PIK3C2A: variants seen among roughly 807,000 people sequenced by gnomAD.
The protein encoded by PIK3C2A is phosphatidylinositol 4-phosphate 3-kinase C2 domain-containing subunit alpha.
A neutral mutation model predicts 204.5 loss-of-function variants in PIK3C2A; 97 were observed. That is an observed-to-expected ratio of 0.47 (90% CI 0.40 to 0.56). PIK3C2A has a LOEUF of 0.56. PIK3C2A is among the 20% of genes least tolerant of loss of function. PIK3C2A has a pLI of 0.00. For synonymous variants in PIK3C2A, 653 were observed against 664.4 expected, an observed-to-expected ratio of 0.98 and a Z score of 0.26; for missense variants, 1,735 against 1,969.2, an observed-to-expected ratio of 0.88 and a Z score of 2.25.
intron 1 of PIK3C2A, among the ~76,000 whole-genome samples, chr11:17,174,006 G>C (rs1040943276): frequency 2.0e-5 from 3 of 151,962 alleles, no homozygotes; most frequent in African/African-American, 7.2e-5. Context: ...AAGTTTAGTA[G>C]AGACTAATAG....
intron 27 of PIK3C2A, among the ~76,000 whole-genome samples, chr11:17,095,411 T>TA (rs1225897360): frequency 0.025 from 2,733 of 110,130 alleles, 35 homozygotes; most frequent in South Asian, 0.038. Flanking sequence ...CTGTCTCTAC[T>TA]AAAAAAAAAA....
At position 17,169,071 on chromosome 11, in the gene PIK3C2A, G is replaced by T; in HGVS notation, c.671C>A (p.Ala224Glu). The change falls in exon 2 of 33, where the codon GCA (alanine) becomes GAA (glutamate). Residue 224 changes from alanine to glutamate, a missense_variant. This residue lies in a region of PIK3C2A where 536 missense variants were observed against 546.7 expected (regional missense o/e 0.98). Transcript: ENST00000691414. ...IYRPVVSTDM[A>E]KLFDKIASTS... ...ACTAGCTATTTTGTCAAATAGTTTT[G>T]CCATGTCAGTACTGACTACTGGACG... 2 of 1,614,082 alleles carry T rather than the reference G, an allele frequency of 1.2e-6. No homozygotes were observed. Among genetic ancestry groups the T allele is most frequent in the Non-Finnish European group, 1.7e-6 (2 of 1,179,994 alleles).
intron 28 of PIK3C2A, among the ~76,000 whole-genome samples, chr11:17,092,727 A>C (rs986114289): frequency 3.3e-5 from 5 of 152,220 alleles, no homozygotes; most frequent in Admixed American, 6.5e-5. Flanking sequence ...GACATCGTTC[A>C]GTCACCCATT....
intron 16 of PIK3C2A, 60 bp from the exon 17 acceptor site, chr11:17,119,373 T>G: frequency 1.0e-6 from 1 of 973,710 alleles, no homozygotes; most frequent in Non-Finnish European, 1.7e-6. Context: ...AAGCTGTATT[T>G]TTTGAAAACA....
At chr11:17,104,002 TA>T (rs1848724229) in intron 23 of PIK3C2A, among the ~76,000 whole-genome samples, 1 of 152,196 alleles carries the variant, frequency 6.6e-6, no homozygotes. Context: ...TTAAAAGATC[TA>T]ACAAAGGTCA....
At chr11:17,114,930 C>G (rs1228381047) in intron 19 of PIK3C2A, among the ~76,000 whole-genome samples, 1 of 152,066 alleles carries the variant, frequency 6.6e-6, no homozygotes, top group Non-Finnish European at 1.5e-5. Flanking sequence ...GAAAGAAATA[C>G]TAGCAAAGAA....
chr11:17,120,895 C>T (rs538248705), intron 15 of PIK3C2A, among the ~76,000 whole-genome samples: 17 of 152,118 alleles, frequency 1.1e-4, no homozygotes, highest in Middle Eastern at 3.4e-3. Flanking sequence ...CTGCAACCTC[C>T]GCCTCCCAGG....
At chr11:17,204,983 G>C (rs1317839455) in intron 1 of PIK3C2A, among the ~76,000 whole-genome samples, 2 of 152,030 alleles carry the variant, frequency 1.3e-5, no homozygotes, top group Admixed American at 1.3e-4. Flanking sequence ...TTCAAGACCA[G>C]CTTGACCAAC....
intron 22 of PIK3C2A, among the ~76,000 whole-genome samples, chr11:17,108,360 T>G (rs1203143482): frequency 6.6e-6 from 1 of 152,158 alleles, no homozygotes; most frequent in Non-Finnish European, 1.5e-5. Context: ...TCCCTGCTAC[T>G]TGGGAGGCTG....
At chr11:17,184,163 A>C (rs1196358286) in intron 1 of PIK3C2A, among the ~76,000 whole-genome samples, 3 of 151,202 alleles carry the variant, frequency 2.0e-5, no homozygotes, top group African/African-American at 7.3e-5. Flanking sequence ...GAGATGAAAA[A>C]CTCCTAGTAA....
At chr11:17,197,842 G>A (rs190669438) in intron 1 of PIK3C2A, among the ~76,000 whole-genome samples, 29 of 152,216 alleles carry the variant, frequency 1.9e-4, no homozygotes, top group African/African-American at 7.0e-4. Context: ...GTATATACCT[G>A]CATTTAACAT....
At chr11:17,147,798 G>A (rs534378700) in intron 5 of PIK3C2A, among the ~76,000 whole-genome samples, 170 bp from the exon 6 acceptor site, 5 of 152,270 alleles carry the variant, frequency 3.3e-5, no homozygotes, top group Admixed American at 3.3e-4. Flanking sequence ...TACGAGAAGA[G>A]TCAATGTAAA....
intron 8 of PIK3C2A, among the ~76,000 whole-genome samples, chr11:17,137,196 C>T (rs1489154843): frequency 2.6e-5 from 4 of 152,052 alleles, no homozygotes; most frequent in Non-Finnish European, 2.9e-5. Flanking sequence ...TAAATTTTTC[C>T]ACCCTTGAGG....
chr11:17,107,841 C>T (rs576234810), intron 22 of PIK3C2A, among the ~76,000 whole-genome samples: 1 of 152,294 alleles, frequency 6.6e-6, no homozygotes, highest in South Asian at 2.1e-4. Flanking sequence ...AGTCTAGTTA[C>T]ATATGGCAGA....
Position 17,119,240 on chromosome 11 carries a change from G to A in PIK3C2A, c.2920C>T (p.Leu974Phe). Reference protein sequence around the residue: ...EAISDDELTDLLPQFVQALKY... With the variant: ...EAISDDELTDFLPQFVQALKY... ...CTCACTTGTACAAACTGTGGAAGAA[G>A]ATCTGTTAGCTCATCATCACTAATG... The change falls in exon 17 of 33, where the codon CTT (leucine) becomes TTT (phenylalanine). Residue 974 changes from leucine to phenylalanine, a missense_variant. Physicochemically the swap from Leu to Phe is conservative, Grantham distance 22. This residue lies in a region of PIK3C2A where 567 missense variants were observed against 576.0 expected (regional missense o/e 0.98). Coordinates refer to ENST00000691414, the MANE Select transcript of PIK3C2A (RefSeq NM_002645.4). 1 of 1,595,354 alleles carries A rather than the reference G, an allele frequency of 6.3e-7. No individual in the cohort carries two copies. The highest frequency in any genetic ancestry group is 2.2e-5 in the East Asian group (1 of 44,610).
Position 17,137,482 on chromosome 11 carries a change from T to C in PIK3C2A, c.1705-857A>G, listed in dbSNP as rs376107167. On this transcript the variant is annotated intron_variant, in intron 8 of 32. Transcript: ENST00000691414. ...CAGGCTGGAGTGCAGTGGTGGGATCTTGGCTCACTGCAACCTCCTGGGTTC... is the reference window on the plus strand; with the variant it reads ...CAGGCTGGAGTGCAGTGGTGGGATCCTGGCTCACTGCAACCTCCTGGGTTC... Among the ~76,000 whole-genome samples the C allele has an allele frequency of 3.4e-4, 50 of 148,382 alleles. 1 individual carries two copies. In the South Asian group the frequency reaches 0.01, roughly 31 times the overall value.
chr11:17,091,459 C>A lies in PIK3C2A; in HGVS notation c.4753G>T (p.Val1585Phe). 6.2e-7 allele frequency: 1 copy of A among 1,611,172 alleles called. No homozygotes were observed. Among genetic ancestry groups the A allele is most frequent in the Non-Finnish European group, 8.5e-7 (1 of 1,179,200 alleles). ...FIMVMHIKDL[V>F]TEDGADPNPY... ...TTTGGGTCAGCTCCATCTTCAGTAA[C>A]CTAAAAAGAAAAGCAGTCCCTTAAT... Residue 1585 changes from valine (V) to phenylalanine (F), a missense_variant and splice_region_variant, in exon 32 of 33, where the codon GTT becomes TTT. Val to Phe is a conservative substitution (Grantham distance 50). Around this residue, in one of 6 missense-constraint regions of PIK3C2A, gnomAD observed 503 missense variants for 669.0 expected, o/e 0.75. Transcript: ENST00000691414.
intron 15 of PIK3C2A, 86 bp downstream of exon 15, chr11:17,122,102 C>T: frequency 4.2e-6 from 3 of 706,682 alleles, no homozygotes; most frequent in South Asian, 4.3e-5. Flanking sequence ...AAATCATGAA[C>T]AGAATCAGGT....
chr11:17,112,481 T>A (rs897905050), intron 21 of PIK3C2A, 93 bp downstream of exon 21: 22 of 580,362 alleles, frequency 3.8e-5, no homozygotes, highest in Admixed American at 1.2e-4. Context: ...ATAAAAAAAA[T>A]ATTAAACAAA....
Sources: gnomAD v4.1 joint callset for allele counts (sites outside exome capture counted in the v4.1 genomes callset) on GRCh38, gnomAD v4.1.1 for gene constraint, gnomAD v4.1.1 regional missense constraint, MANE v1.5 for transcripts, NCBI Gene and HGNC (gene_info 2026-07-23, HGNC 2026-07-21) for gene names.